Variants in ROBO1 observed in about 807,000 individuals in gnomAD.
The protein encoded by ROBO1 is roundabout homolog 1.
In ROBO1, 149 loss-of-function variants were observed where a neutral mutation model predicts 195.9. The ratio of observed to expected loss-of-function variants is 0.76; its 90% confidence interval spans 0.67 to 0.87. The LOEUF (loss-of-function observed/expected upper bound fraction) is 0.87, where lower values mean the gene tolerates loss of function less well. ROBO1 is among the 40% of genes least tolerant of loss of function. ROBO1 has a pLI of 0.00. For synonymous variants in ROBO1, 816 were observed against 733.2 expected, an observed-to-expected ratio of 1.11 and a Z score of -1.82; for missense variants, 1,933 against 2,068.3, an observed-to-expected ratio of 0.93 and a Z score of 1.27.
intron 24 of ROBO1, among the ~76,000 whole-genome samples, chr3:78,632,371 G>A (rs998346810): frequency 2.0e-5 from 3 of 152,178 alleles, no homozygotes; most frequent in African/African-American, 7.2e-5. Context: ...GTGGGCTAGG[G>A]ACAGGCTGTT....
chr3:79,335,242 T>A (rs551853170), intron 2 of ROBO1, among the ~76,000 whole-genome samples: 1 of 152,358 alleles, frequency 6.6e-6, no homozygotes, highest in Non-Finnish European at 1.5e-5. Context: ...TTTTTATTCA[T>A]CTTCTGTATT....
intron 8 of ROBO1, among the ~76,000 whole-genome samples, chr3:78,695,630 A>G (rs1376421234): frequency 3.3e-5 from 5 of 149,582 alleles, no homozygotes; most frequent in Admixed American, 3.3e-4. Context: ...TGTCTCAAAA[A>G]AAAAAAAAAA....
intron 4 of ROBO1, among the ~76,000 whole-genome samples, chr3:78,866,055 T>C (rs331149): frequency 0.3 from 46,045 of 151,950 alleles, 7,132 homozygotes; most frequent in Non-Finnish European, 0.34. Context: ...TCTTGGAAAA[T>C]CTGTCTCATG....
chr3:79,556,252 G>A (rs953291538), intron 2 of ROBO1, among the ~76,000 whole-genome samples: 5 of 151,850 alleles, frequency 3.3e-5, no homozygotes, highest in African/African-American at 1.2e-4. Context: ...TATGCCCTTT[G>A]ACAAATAATA....
At chr3:78,673,727 A>G (rs961663367) in intron 10 of ROBO1, among the ~76,000 whole-genome samples, 5 of 150,216 alleles carry the variant, frequency 3.3e-5, no homozygotes, top group Non-Finnish European at 7.4e-5. Context: ...TTGTCACCTC[A>G]AAAATAGCGA....
chr3:79,151,277 A>G (rs1020095988), intron 2 of ROBO1, among the ~76,000 whole-genome samples: 12 of 151,730 alleles, frequency 7.9e-5, no homozygotes, highest in Non-Finnish European at 8.8e-5. Context: ...TAATACATAC[A>G]TGCCAAATCT....
At chr3:79,482,396 A>T (rs1290017558) in intron 2 of ROBO1, among the ~76,000 whole-genome samples, 1 of 152,100 alleles carries the variant, frequency 6.6e-6, no homozygotes, top group Non-Finnish European at 1.5e-5. Context: ...TTTCCCCCAT[A>T]CTGTTCTCAT....
intron 5 of ROBO1, among the ~76,000 whole-genome samples, chr3:78,740,685 G>T (rs1328765600): frequency 1.3e-5 from 2 of 151,892 alleles, no homozygotes; most frequent in African/African-American, 4.8e-5. Context: ...TGTTGGTCAG[G>T]CTGGTCTTGA....
intron 3 of ROBO1, among the ~76,000 whole-genome samples, chr3:79,092,342 T>C (rs1046704322): frequency 3.3e-5 from 5 of 152,140 alleles, no homozygotes; most frequent in African/African-American, 1.2e-4. Context: ...AAAGTTTTTT[T>C]ACTAGATGTT....
At chr3:78,999,842 T>G (rs915094971) in intron 3 of ROBO1, among the ~76,000 whole-genome samples, 1 of 152,196 alleles carries the variant, frequency 6.6e-6, no homozygotes, top group African/African-American at 2.4e-5. Context: ...CTATATGTTT[T>G]ACTTCTGCTT....
intron 2 of ROBO1, among the ~76,000 whole-genome samples, chr3:79,377,712 C>A (rs1425936755): frequency 1.3e-5 from 2 of 152,190 alleles, no homozygotes; most frequent in East Asian, 3.8e-4. Flanking sequence ...TCATTAGGGA[C>A]AGCCAAGAAC....
chr3:78,725,472 G>T (rs2082139720), intron 5 of ROBO1, among the ~76,000 whole-genome samples: 1 of 152,042 alleles, frequency 6.6e-6, no homozygotes, highest in Non-Finnish European at 1.5e-5. Flanking sequence ...TAAAAAACTA[G>T]AAATGACTAC....
intron 3 of ROBO1, chr3:79,018,925 G>T: frequency 1.0e-6 from 1 of 988,098 alleles, no homozygotes; most frequent in Non-Finnish European, 1.2e-6. Context: ...GTCTCCCGGC[G>T]AGCCCAGTCA....
intron 2 of ROBO1, among the ~76,000 whole-genome samples, chr3:79,414,395 A>C (rs1271899906): frequency 6.6e-6 from 1 of 152,096 alleles, no homozygotes. Flanking sequence ...AACTGTGGTA[A>C]ATTTTACTGT....
chr3:78,911,275 C>T (rs1382689819), intron 4 of ROBO1, among the ~76,000 whole-genome samples: 1 of 152,042 alleles, frequency 6.6e-6, no homozygotes, highest in African/African-American at 2.4e-5. Context: ...GTGATATTCA[C>T]ATCTGTAGTT....
chr3:79,589,756 A>G, intron 2 of ROBO1, 68 bp downstream of exon 2: 1 of 1,288,592 alleles, frequency 7.8e-7, no homozygotes, highest in Non-Finnish European at 1.1e-6. Context: ...CACACACAAT[A>G]AAAAGTGAAT....
At chr3:78,980,959 A>C (rs780529171) in intron 3 of ROBO1, among the ~76,000 whole-genome samples, 7 of 152,330 alleles carry the variant, frequency 4.6e-5, no homozygotes, top group Admixed American at 2.6e-4. Context: ...ATTCTAAGTC[A>C]TCAAAGTCAG....
chr3:79,504,400 A>C (rs1263918044), intron 2 of ROBO1, among the ~76,000 whole-genome samples: 1 of 152,142 alleles, frequency 6.6e-6, no homozygotes, highest in Non-Finnish European at 1.5e-5. Context: ...AAAATGCTGA[A>C]AATAAGAGAC....
intron 5 of ROBO1, among the ~76,000 whole-genome samples, chr3:78,719,329 T>C (rs2081985117): frequency 6.6e-6 from 1 of 152,162 alleles, no homozygotes; most frequent in Non-Finnish European, 1.5e-5. Context: ...CAGTTATGTG[T>C]TAAATTGTTT....
Sources: allele counts gnomAD v4.1 joint callset (sites outside exome capture counted in the v4.1 genomes callset), GRCh38; gene constraint gnomAD v4.1.1; transcripts MANE v1.5; gene names NCBI Gene and HGNC (gene_info 2026-07-23, HGNC 2026-07-21).